PDE10A: variants seen among roughly 807,000 people sequenced by gnomAD.
PDE10A encodes cAMP and cAMP-inhibited cGMP 3',5'-cyclic phosphodiesterase 10A.
In PDE10A, 39 loss-of-function variants were observed where a neutral mutation model predicts 97.7. That is an observed-to-expected ratio of 0.40 (90% CI 0.31 to 0.52). The LOEUF (loss-of-function observed/expected upper bound fraction) is 0.52. PDE10A is among the 20% of genes least tolerant of loss of function. PDE10A has a pLI of 0.56. For synonymous variants in PDE10A, 371 were observed against 376.8 expected (o/e 0.98, Z 0.18); for missense variants, 731 against 1,047.8 (o/e 0.70, Z 4.17).
intron 1 of PDE10A, among the ~76,000 whole-genome samples, chr6:165,860,111 G>A (rs1780857447): frequency 6.6e-6 from 1 of 152,036 alleles, no homozygotes; most frequent in Admixed American, 6.6e-5. Context: ...GGGTGATGGG[G>A]GCACCAAAAC....
intron 1 of PDE10A, among the ~76,000 whole-genome samples, chr6:165,564,855 T>C (rs1467595195): frequency 2.0e-5 from 3 of 152,206 alleles, no homozygotes; most frequent in African/African-American, 4.8e-5. Context: ...CTCTCCAATA[T>C]TCTTAACTAA....
chr6:165,337,514 T>C (rs1781721107), intron 20 of PDE10A, among the ~76,000 whole-genome samples: 1 of 152,238 alleles, frequency 6.6e-6, no homozygotes, highest in Non-Finnish European at 1.5e-5. Flanking sequence ...TGCAGAGACT[T>C]TCTTATTCTA....
chr6:165,472,334 T>C (rs1305068734), intron 3 of PDE10A, among the ~76,000 whole-genome samples: 1 of 152,146 alleles, frequency 6.6e-6, no homozygotes, highest in Non-Finnish European at 1.5e-5. Flanking sequence ...TAATATTCCC[T>C]TTCTCATTCC....
chr6:165,506,126 T>C (rs1478739005), intron 2 of PDE10A, among the ~76,000 whole-genome samples: 1 of 152,166 alleles, frequency 6.6e-6, no homozygotes. Flanking sequence ...GTACTTTTGT[T>C]GGTTTTTTTC....
intron 21 of PDE10A, among the ~76,000 whole-genome samples, chr6:165,333,421 T>C (rs1781456586): frequency 6.6e-6 from 1 of 152,104 alleles, no homozygotes; most frequent in Non-Finnish European, 1.5e-5. Flanking sequence ...AGGATTAACT[T>C]GAACAGGGAA....
At chr6:165,698,005 A>G (rs1791481367) in intron 1 of PDE10A, among the ~76,000 whole-genome samples, 1 of 152,190 alleles carries the variant, frequency 6.6e-6, no homozygotes, top group Non-Finnish European at 1.5e-5. Context: ...TAGAATGAGC[A>G]CCTCAGAATG....
intron 1 of PDE10A, among the ~76,000 whole-genome samples, chr6:165,876,711 T>C (rs1391128972): frequency 6.6e-6 from 1 of 152,200 alleles, no homozygotes; most frequent in Non-Finnish European, 1.5e-5. Context: ...TAAGAGTGGC[T>C]GCCAAGCCTC....
At chr6:165,948,953 A>G (rs909467131) in intron 1 of PDE10A, 1 of 152,146 alleles carries the variant, frequency 6.6e-6, no homozygotes, top group Non-Finnish European at 1.5e-5. Context: ...CCCTGTCCTG[A>G]CTCCAGGAAG....
At chr6:165,508,519 A>G (rs1781330611) in intron 2 of PDE10A, among the ~76,000 whole-genome samples, 1 of 151,998 alleles carries the variant, frequency 6.6e-6, no homozygotes. Flanking sequence ...GCAACAACAC[A>G]GGCTTTCATT....
chr6:165,739,582 AT>A (rs997095152), intron 1 of PDE10A, among the ~76,000 whole-genome samples: 93 of 150,796 alleles, frequency 6.2e-4, no homozygotes, highest in African/African-American at 1.5e-3. Context: ...CTGGGCTATG[AT>A]TTTTTTTTTC....
chr6:165,394,684 A>G (rs1786000705), intron 15 of PDE10A, among the ~76,000 whole-genome samples: 1 of 152,212 alleles, frequency 6.6e-6, no homozygotes, highest in Non-Finnish European at 1.5e-5. Flanking sequence ...ATTCCCACCA[A>G]CAGTGTAAAA....
chr6:165,923,380 A>G (rs1399837651), intron 1 of PDE10A, among the ~76,000 whole-genome samples: 1 of 152,212 alleles, frequency 6.6e-6, no homozygotes, highest in Non-Finnish European at 1.5e-5. Context: ...CAGAGCAGTG[A>G]CCACATCGTG....
chr6:165,617,696 G>A (rs1388308670), intron 1 of PDE10A, among the ~76,000 whole-genome samples: 1 of 152,102 alleles, frequency 6.6e-6, no homozygotes, highest in Non-Finnish European at 1.5e-5. Flanking sequence ...GACTAGGAAA[G>A]TCCCAGTTGG....
At chr6:165,617,879 T>C (rs1014008807) in intron 1 of PDE10A, among the ~76,000 whole-genome samples, 1 of 152,062 alleles carries the variant, frequency 6.6e-6, no homozygotes, top group Non-Finnish European at 1.5e-5. Context: ...AGTGAAATGA[T>C]CACACAAAAA....
chr6:165,350,017 G>T (rs143054935), intron 18 of PDE10A, among the ~76,000 whole-genome samples: 13 of 152,334 alleles, frequency 8.5e-5, no homozygotes, highest in Non-Finnish European at 1.6e-4. Context: ...AGTGTGAAAG[G>T]GAAATGTGGA....
At chr6:165,830,323 G>A (rs1007330382) in intron 1 of PDE10A, among the ~76,000 whole-genome samples, 5 of 152,204 alleles carry the variant, frequency 3.3e-5, no homozygotes, top group Non-Finnish European at 5.9e-5. Context: ...TGGGAGCTGC[G>A]CTACCTAAAC....
chr6:165,611,188 G>A (rs1250069963), intron 1 of PDE10A, among the ~76,000 whole-genome samples: 2 of 152,046 alleles, frequency 1.3e-5, no homozygotes, highest in Non-Finnish European at 2.9e-5. Context: ...GACCCATGAA[G>A]GAGTCACCTG....
At chr6:165,699,040 G>T (rs892816915) in intron 1 of PDE10A, among the ~76,000 whole-genome samples, 9 of 152,038 alleles carry the variant, frequency 5.9e-5, no homozygotes, top group Admixed American at 5.9e-4. Context: ...TCATCAAAAG[G>T]CAGAGATTGT....
chr6:165,799,318 G>A (rs181446633), intron 1 of PDE10A, among the ~76,000 whole-genome samples: 44 of 152,334 alleles, frequency 2.9e-4, no homozygotes, highest in Non-Finnish European at 4.7e-4. Flanking sequence ...TTTGCTAGAG[G>A]AGCAGAGATT....
Sources: allele counts gnomAD v4.1 joint callset (sites outside exome capture counted in the v4.1 genomes callset), GRCh38; gene constraint gnomAD v4.1.1; transcripts MANE v1.5; gene names NCBI Gene and HGNC (gene_info 2026-07-23, HGNC 2026-07-21).